Variants in ZFAT observed in about 807,000 individuals in gnomAD.
The protein encoded by ZFAT is zinc finger protein ZFAT.
ZFAT carries 64 observed loss-of-function variants against 117.7 expected under a neutral mutation model. The ratio of observed to expected loss-of-function variants is 0.54; its 90% CI spans 0.44 to 0.67. The LOEUF (loss-of-function observed/expected upper bound fraction) is 0.67, where lower values mean the gene tolerates loss of function less well. Ranked by LOEUF, ZFAT falls within the 30% of genes least tolerant of loss-of-function variation. The probability of loss-of-function intolerance (pLI) is 0.00; values close to 1 mark genes in which losing one functional copy is unlikely to be tolerated. For missense variants in ZFAT, 1,433 were observed against 1,584.5 expected, an observed-to-expected ratio of 0.90 and a Z score of 1.62; for synonymous variants, 679 against 615.0, an observed-to-expected ratio of 1.10 and a Z score of -1.54.
At position 134,509,751 on chromosome 8, in the gene ZFAT, T is replaced by G. The variant is rs748060404; in HGVS notation, c.3362-2A>C. Reference sequence around the variant, plus strand: ...CGGCCGTGGGGTCCAGTCGGTCGCCTTAAGAGGAAGAAGCAAAGAGGACAC... The same window carrying G: ...CGGCCGTGGGGTCCAGTCGGTCGCCGTAAGAGGAAGAAGCAAAGAGGACAC... On this transcript the variant is annotated splice_acceptor_variant, in intron 14 of 15. Transcript: ENST00000377838. LOFTEE classifies it high-confidence loss of function. The G allele has an allele frequency of 6.3e-7, 1 of 1,595,424 alleles. No individual in the cohort carries two copies. The highest frequency in any genetic ancestry group is 8.5e-7 in the Non-Finnish European group (1 of 1,173,350).
chr8:134,481,024 C>G (rs1159491445), intron 15 of ZFAT, among the ~76,000 whole-genome samples: 1 of 152,180 alleles, frequency 6.6e-6, no homozygotes, highest in Non-Finnish European at 1.5e-5. Context: ...TCACCCGGAG[C>G]TGGAGAGCTA....
At chr8:134,613,910 T>C (rs564248204) in intron 3 of ZFAT, among the ~76,000 whole-genome samples, 1 of 152,270 alleles carries the variant, frequency 6.6e-6, no homozygotes, top group South Asian at 2.1e-4. Context: ...GATCCTGGGG[T>C]TTCCACGGCA....
At chr8:134,577,632 A>T (rs114993150) in intron 10 of ZFAT, among the ~76,000 whole-genome samples, 249 of 152,310 alleles carry the variant, frequency 1.6e-3, no homozygotes, top group African/African-American at 5.7e-3. Flanking sequence ...GCCTATGATA[A>T]GCCAAGCCCT....
intron 15 of ZFAT, among the ~76,000 whole-genome samples, chr8:134,495,454 A>C (rs1323620108): frequency 6.6e-6 from 1 of 152,182 alleles, no homozygotes; most frequent in Non-Finnish European, 1.5e-5. Flanking sequence ...ATATGAATTA[A>C]GGGGGGAACG....
chr8:134,718,621 A>C, the ZFAT span, among the ~76,000 whole-genome samples: 137,679 of 152,180 alleles, frequency 0.9, 62,548 homozygotes, highest in African/African-American at 0.96. Flanking sequence ...ATCCCAGCAA[A>C]GAAACGGAAA....
the ZFAT span, among the ~76,000 whole-genome samples, chr8:134,786,893 G>A: frequency 1.3e-5 from 2 of 149,434 alleles, no homozygotes; most frequent in African/African-American, 4.9e-5. Flanking sequence ...CTGTTGCCCA[G>A]GCTGGAGTGT....
chr8:134,566,350 C>T (rs1256847976), intron 10 of ZFAT, among the ~76,000 whole-genome samples: 5 of 145,100 alleles, frequency 3.4e-5, no homozygotes, highest in South Asian at 2.2e-4. Flanking sequence ...GCCGAGATAG[C>T]GCTACTGCAC....
chr8:134,695,228 T>C (rs1348804057), intron 1 of ZFAT, among the ~76,000 whole-genome samples: 1 of 152,012 alleles, frequency 6.6e-6, no homozygotes, highest in East Asian at 1.9e-4. Context: ...AGGAAGGCCC[T>C]CGCAGACGCT....
At chr8:134,652,034 T>C (rs1450487650) in intron 2 of ZFAT, among the ~76,000 whole-genome samples, 1 of 151,104 alleles carries the variant, frequency 6.6e-6, no homozygotes, top group African/African-American at 2.4e-5. Flanking sequence ...ATAAAGACAA[T>C]AGGCTGGGCA....
At chr8:134,716,169 G>GCA (rs535979165), upstream of ZFAT, among the ~76,000 whole-genome samples, 5,581 of 134,580 alleles carry the variant, frequency 0.041, 140 homozygotes, top group Non-Finnish European at 0.044. Context: ...ATGTATATAT[G>GCA]CACACACACA....
intron 5 of ZFAT, 43 bp from the exon 6 acceptor site, chr8:134,602,976 T>C (rs1475747303): frequency 1.3e-6 from 2 of 1,561,868 alleles, no homozygotes; most frequent in South Asian, 1.2e-5. Context: ...AGACCTTGAA[T>C]GTTCCTCATG....
intron 11 of ZFAT, among the ~76,000 whole-genome samples, chr8:134,544,746 A>G (rs1457156027): frequency 6.6e-6 from 1 of 152,010 alleles, no homozygotes; most frequent in Non-Finnish European, 1.5e-5. Context: ...CCTCATTAAC[A>G]ATCATGAAGA....
At chr8:134,768,907 T>A in the ZFAT span, among the ~76,000 whole-genome samples, 2 of 152,174 alleles carry the variant, frequency 1.3e-5, no homozygotes, top group Non-Finnish European at 2.9e-5. Flanking sequence ...GCATAGTGGC[T>A]CAGGCCTGTA....
chr8:134,679,746 A>G (rs1277913374), intron 1 of ZFAT, among the ~76,000 whole-genome samples: 21 of 152,218 alleles, frequency 1.4e-4, no homozygotes, highest in Admixed American at 1.4e-3. Context: ...ACCATGGAAT[A>G]CTATGCAGCC....
At chr8:134,632,825 C>T (rs1250580061) in intron 3 of ZFAT, among the ~76,000 whole-genome samples, 5 of 152,074 alleles carry the variant, frequency 3.3e-5, no homozygotes, top group Admixed American at 2.6e-4. Flanking sequence ...AGTGCATGAA[C>T]ACAGAATGCC....
In ZFAT at chr8:134,602,701, G is replaced by C; in HGVS notation, c.1018C>G (p.His340Asp). ...YCSFTCLSKG[H>D]LKVHIERVHK... ...ACTCGCTCGATGTGCACCTTGAGGT[G>C]GCCCTTGCTCAGGCAGGTGAACGAG... Residue 340 changes from histidine to aspartate, a missense_variant, in exon 6 of 16, where the codon CAC becomes GAC. By Grantham distance (81) the His-to-Asp change is moderately conservative (BLOSUM62 -1). Around this residue, in one of 5 missense-constraint regions of ZFAT, gnomAD observed 436 missense variants for 482.0 expected, o/e 0.90. Coordinates refer to ENST00000377838, the MANE Select transcript of ZFAT (RefSeq NM_020863.4). 1 of 1,614,042 alleles carries C rather than the reference G, an allele frequency of 6.2e-7. No homozygotes were observed. The highest frequency in any genetic ancestry group is 8.5e-7 in the Non-Finnish European group (1 of 1,179,944).
intron 1 of ZFAT, among the ~76,000 whole-genome samples, chr8:134,667,894 G>A (rs921854378): frequency 1.1e-4 from 17 of 152,088 alleles, no homozygotes; most frequent in African/African-American, 3.9e-4. Context: ...CTGGAAAATC[G>A]GGTCACTCCC....
chr8:134,773,001 G>A, the ZFAT span, among the ~76,000 whole-genome samples: 1 of 151,924 alleles, frequency 6.6e-6, no homozygotes, highest in African/African-American at 2.4e-5. Context: ...CCGAGGTGTG[G>A]GAGGATTGCT....
chr8:134,496,095 T>C (rs1224021768), intron 15 of ZFAT, among the ~76,000 whole-genome samples: 1 of 152,208 alleles, frequency 6.6e-6, no homozygotes, highest in African/African-American at 2.4e-5. Context: ...GGAGCTATGC[T>C]GTTTCCATGA....
Sources: allele counts gnomAD v4.1 joint callset (sites outside exome capture counted in the v4.1 genomes callset), GRCh38; gene constraint gnomAD v4.1.1; regional missense constraint gnomAD v4.1.1; transcripts MANE v1.5; gene names NCBI Gene and HGNC (gene_info 2026-07-23, HGNC 2026-07-21).